Variants in POLR1G observed in about 807,000 individuals in gnomAD.
The protein encoded by POLR1G is DNA-directed RNA polymerase I subunit RPA34.
A neutral mutation model predicts 6.3 loss-of-function variants in POLR1G; 9 were observed. That is an observed-to-expected ratio of 1.44 (90% CI 0.87 to 2.51). The LOEUF is 2.51. Ranked by LOEUF, POLR1G falls within the 30% of genes most tolerant of loss-of-function variation. The probability of loss-of-function intolerance (pLI) is 0.00; values close to 1 mark genes in which losing one functional copy is unlikely to be tolerated. For missense variants in POLR1G, 617 were observed against 632.5 expected, an observed-to-expected ratio of 0.98 and a Z score of 0.26; for synonymous variants, 248 against 256.5, an observed-to-expected ratio of 0.97 and a Z score of 0.32.
rs1172005564 is a variant in POLR1G at position 45,410,193 on chromosome 19, AT to A, written c.*694del. 7.2e-6 allele frequency: 1 copy of A among 139,074 alleles called. No homozygotes were observed. Among genetic ancestry groups the A allele is most frequent in the African/African-American group, 2.8e-5 (1 of 36,300 alleles). The allele number at this position is 139,074 out of a possible 1,614,324, so 8.6% of individuals were successfully genotyped here. On this transcript the variant is annotated 3_prime_UTR_variant, in exon 3 of 3. Transcript: ENST00000309424. ...AGCCACTGCGCCTGGCTAAGTTATT[AT>A]TATTTTTTTGAGACAGTCTCCTGGT... is the stretch of plus-strand genomic sequence containing the variant.
In POLR1G at chr19:45,408,517, G is replaced by C; in HGVS notation, c.549G>C (p.Glu183Asp). 6.2e-7 allele frequency: 1 copy of C among 1,614,080 alleles called. No individual in the cohort carries two copies. The highest frequency in any genetic ancestry group is 8.5e-7 in the Non-Finnish European group (1 of 1,180,012). Residue 183 changes from glutamate (E) to aspartate (D), a missense_variant, in exon 3 of 3, where the codon GAG (glutamate) becomes GAC (aspartate). Glu to Asp is a conservative substitution (Grantham distance 45). Coordinates refer to ENST00000309424, the MANE Select transcript of POLR1G (RefSeq NM_012099.3). ...AGAAAAAGGAGATGCAGGTGACAGAGGCCCCAGTCACTCAGGAGGCAGTGA... is the reference window on the plus strand; with the variant it reads ...AGAAAAAGGAGATGCAGGTGACAGACGCCCCAGTCACTCAGGAGGCAGTGA... ...GKKKKEMQVT[E>D]APVTQEAVNG...
In POLR1G at chr19:45,409,738, G is replaced by C. The variant is rs747606501; in HGVS notation, c.*237G>C. 2.5e-6 allele frequency: 2 copies of C among 801,916 alleles called. No individual in the cohort carries two copies. The highest frequency in any genetic ancestry group is 2.7e-5 in the South Asian group (2 of 73,856). 49.7% of individuals were successfully genotyped at this position (801,916 alleles called of 1,614,324 possible). On this transcript the variant is annotated 3_prime_UTR_variant, in exon 3 of 3. Coordinates refer to ENST00000309424, the MANE Select transcript of POLR1G (RefSeq NM_012099.3). ...ACAGCCTCCGGGCCTGGATGGGAGGGAGAAAAAAATGAGGAACCAGTCATT... is the reference window on the plus strand; with the variant it reads ...ACAGCCTCCGGGCCTGGATGGGAGGCAGAAAAAAATGAGGAACCAGTCATT...
rs767329376 is a variant in POLR1G at position 45,408,316 on chromosome 19, G to C, written c.348G>C (p.Arg116Ser). Residue 116 changes from arginine to serine, a missense_variant, in exon 3 of 3, where the codon AGG becomes AGC. By Grantham distance (110) the Arg-to-Ser change is moderately radical. Transcript: ENST00000309424. The stretch of plus-strand genomic sequence containing the variant: ...CCTCAGCCCCCCAGGGCACCCTAAG[G>C]ATCCTTGAGGGTCCCCAGCAATCCC... Reference protein sequence around the residue: ...TCASAPQGTLRILEGPQQSLS... With the variant: ...TCASAPQGTLSILEGPQQSLS... 5.6e-6 allele frequency: 9 copies of C among 1,610,912 alleles called. No individual in the cohort carries two copies. The highest frequency in any genetic ancestry group is 6.8e-6 in the Non-Finnish European group (8 of 1,177,906).
chr19:45,408,471 A>C lies in POLR1G; in HGVS notation c.503A>C (p.Asn168Thr). Residue 168 changes from asparagine (N) to threonine (T), a missense_variant, in exon 3 of 3, where the codon AAC becomes ACC. Physicochemically the swap from Asn to Thr is moderately conservative, Grantham distance 65. Coordinates refer to ENST00000309424, the MANE Select transcript of POLR1G (RefSeq NM_012099.3). ...VTGPRSALAP[N>T]LLTSGKKKKE... ...GGGCCTAGGTCAGCCTTGGCCCCCA[A>C]CCTGCTCACCTCAGGGAAGAAGAAA... The C allele has an allele frequency of 1.9e-6, 3 of 1,613,868 alleles. No individual in the cohort carries two copies. Among genetic ancestry groups the C allele is most frequent in the Non-Finnish European group, 2.5e-6 (3 of 1,179,940 alleles).
At position 45,406,881 on chromosome 19, in the gene POLR1G, T is replaced by G. The variant is rs1973383264; in HGVS notation, c.22+163T>G. 1.0e-6 allele frequency: 1 copy of G among 963,506 alleles called. No individual in the cohort carries two copies. Among genetic ancestry groups the G allele is most frequent in the Non-Finnish European group, 1.5e-6 (1 of 672,212 alleles). The allele number at this position is 963,506 out of a possible 1,614,324, so 59.7% of individuals were successfully genotyped here. ...GAATTCGAACGGAGAGAGGGTTATC[T>G]TGTGGGGGGCTACCCGTGGAGAGCA... On this transcript the variant is annotated intron_variant, in intron 1 of 2. Coordinates refer to ENST00000309424, the MANE Select transcript of POLR1G (RefSeq NM_012099.3). This position sits in a 1 kb window ranked among gnomAD's most constrained non-coding sequence, Gnocchi z 4.2.
Position 45,409,877 on chromosome 19 carries a change from G to GTTATTATTA in POLR1G, c.*388_*396dup, listed in dbSNP as rs1243917856. The GTTATTATTA allele has an allele frequency of 1.5e-4, 39 of 256,490 alleles. No homozygotes were observed. Among genetic ancestry groups the GTTATTATTA allele is most frequent in the East Asian group, 8.0e-4 (10 of 12,576 alleles). The allele number at this position is 256,490 out of a possible 1,614,324, so 15.9% of individuals were successfully genotyped here. A position where few individuals can be genotyped will look rare whatever the true frequency, so the allele number is the denominator to read the frequency against. ...AACAATCCAGTTACAATCTTTTTAAGTTATTATTATTATTATTATTTTTTT... is the reference window on the plus strand; with the variant it reads ...AACAATCCAGTTACAATCTTTTTAAGTTATTATTATTATTATTATTATTATTATTTTTTT... On this transcript the variant is annotated 3_prime_UTR_variant, in exon 3 of 3. Coordinates refer to ENST00000309424, the MANE Select transcript of POLR1G (RefSeq NM_012099.3).
chr19:45,408,082 T>C (rs770141832), intron 2 of POLR1G, 51 bp from the exon 3 acceptor site: 1 of 1,511,446 alleles, frequency 6.6e-7, no homozygotes, highest in East Asian at 2.3e-5. Flanking sequence ...TCAAAAAACC[T>C]TCCCTCTCCT....
In POLR1G at chr19:45,409,290, T is replaced by TA. The variant is rs1211839877; in HGVS notation, c.1323dup (p.Glu442ArgfsTer3). 6.2e-7 allele frequency: 1 copy of TA among 1,613,262 alleles called. No homozygotes were observed. Among genetic ancestry groups the TA allele is most frequent in the African/African-American group, 1.3e-5 (1 of 74,596 alleles). On this transcript the variant is annotated frameshift_variant, in exon 3 of 3. Transcript: ENST00000309424. LOFTEE classifies it low-confidence loss of function (END_TRUNC). ...ACAGTGACTGAGCCAATTCAGCCAC[T>TA]AGAGCCTGAACTGCCAGGGGAGGGA...
intron 2 of POLR1G, 54 bp from the exon 3 acceptor site, chr19:45,408,079 A>AC (rs1221160656): frequency 1.3e-6 from 2 of 1,511,920 alleles, no homozygotes; most frequent in Non-Finnish European, 1.8e-6. Context: ...AAATCAAAAA[A>AC]CCTTCCCTCT....
In POLR1G at chr19:45,408,465, C is replaced by T; in HGVS notation, c.497C>T (p.Ala166Val). 1 of 1,613,802 alleles carries T rather than the reference C, an allele frequency of 6.2e-7. No homozygotes were observed. ...PPVTGPRSALAPNLLTSGKKK... is the reference protein window; with the variant it reads ...PPVTGPRSALVPNLLTSGKKK... ...GTCACAGGGCCTAGGTCAGCCTTGG[C>T]CCCCAACCTGCTCACCTCAGGGAAG... Residue 166 changes from alanine to valine, a missense_variant, in exon 3 of 3, where the codon GCC becomes GTC. By Grantham distance (64) the Ala-to-Val change is moderately conservative (BLOSUM62 0). Transcript: ENST00000309424.
chr19:45,409,076 G>T lies in POLR1G; in HGVS notation c.1108G>T (p.Glu370Ter). 6.2e-7 allele frequency: 1 copy of T among 1,613,770 alleles called. No homozygotes were observed. The highest frequency in any genetic ancestry group is 1.1e-5 in the South Asian group (1 of 91,048). Residue 370 changes from glutamate to a stop codon, truncating the protein, a stop_gained, in exon 3 of 3, where the codon GAA becomes TAA. Coordinates refer to ENST00000309424, the MANE Select transcript of POLR1G (RefSeq NM_012099.3). LOFTEE classifies it low-confidence loss of function (END_TRUNC). ...GGGGACCATGGCGCCTCAACAGCCA[G>T]AAGGAGCGAAGCCTCAGGCCCAGGC... ...PGGTMAPQQPEGAKPQAQAAL... is the reference protein window; with the variant it reads ...PGGTMAPQQP
rs754399021 is a variant in POLR1G at position 45,408,250 on chromosome 19, G to C, written c.282G>C (p.Leu94=). The C allele has an allele frequency of 2.5e-6, 4 of 1,614,158 alleles. No individual in the cohort carries two copies. The South Asian group carries it at 3.3e-5, about 13-fold the overall frequency. The change falls in exon 3 of 3, where the codon CTG becomes CTC. Residue 94 remains leucine (L), a synonymous_variant. Transcript: ENST00000309424. ...GTCCCCAAGCTGGAGAAGCGACCCT[G>C]CTGGCCCCCTCAACGGAGGCAGGAG... ...SSCPQAGEAT[L]LAPSTEAGGG... is the part of the protein sequence containing the mutation.
In POLR1G at chr19:45,408,987, T is replaced by A. The variant is rs749947084; in HGVS notation, c.1019T>A (p.Met340Lys). ...RKKEKGQMAM[M>K]EPGTEAMEPV... ...AAAGAAAAGGGACAGATGGCAATGA[T>A]GGAGCCAGGGACGGAGGCGATGGAG... Residue 340 changes from methionine to lysine, a missense_variant, in exon 3 of 3, where the codon ATG (methionine) becomes AAG (lysine). Transcript: ENST00000309424. 3.7e-5 allele frequency: 59 copies of A among 1,613,722 alleles called. No homozygotes were observed. The African/African-American group carries it at 7.6e-4, about 21-fold the overall frequency.
In POLR1G at chr19:45,410,565, T is replaced by TGTGTGTGTGTGTGTGTGTG. The variant is rs1973661594; in HGVS notation, c.*1064_*1065insGTGTGTGTGTGTGTGTGTG. 5.7e-5 allele frequency: 8 copies of TGTGTGTGTGTGTGTGTGTG among 140,718 alleles called. No homozygotes were observed. Among genetic ancestry groups the TGTGTGTGTGTGTGTGTGTG allele is most frequent in the African/African-American group, 2.2e-4 (8 of 36,574 alleles). 8.7% of individuals were successfully genotyped at this position (140,718 alleles called of 1,614,324 possible). The stretch of plus-strand genomic sequence containing the variant: ...ATAGTATGTCTTATTCATTCTTTCT[T>TGTGTGTGTGTGTGTGTGTG]TGTGTGTGTGTGTGTGTGTGTGTGT... On this transcript the variant is annotated 3_prime_UTR_variant, in exon 3 of 3. Transcript: ENST00000309424.
intron 2 of POLR1G, chr19:45,407,839 TGAG>T (rs1477077839): frequency 3.4e-6 from 1 of 294,708 alleles, no homozygotes; most frequent in Non-Finnish European, 6.3e-6. Context: ...GCAGATCACT[TGAG>T]GTCAGGAGTT....
Position 45,408,997 on chromosome 19 carries a change from G to T in POLR1G, c.1029G>T (p.Gly343=). Residue 343 remains glycine (G), a synonymous_variant, in exon 3 of 3, where the codon GGG becomes GGT. Transcript: ENST00000309424. ...EKGQMAMMEP[G]TEAMEPVEPE... ...GACAGATGGCAATGATGGAGCCAGGGACGGAGGCGATGGAGCCAGTGGAGC... is the reference window on the plus strand; with the variant it reads ...GACAGATGGCAATGATGGAGCCAGGTACGGAGGCGATGGAGCCAGTGGAGC... The T allele has an allele frequency of 6.2e-7, 1 of 1,614,118 alleles. No individual in the cohort carries two copies. Among genetic ancestry groups the T allele is most frequent in the South Asian group, 1.1e-5 (1 of 91,086 alleles).
Position 45,409,128 on chromosome 19 carries a change from C to G in POLR1G, c.1160C>G (p.Thr387Arg). Residue 387 changes from threonine (T) to arginine (R), a missense_variant, in exon 3 of 3, where the codon ACG becomes AGG. By Grantham distance (71) the Thr-to-Arg change is moderately conservative. Coordinates refer to ENST00000309424, the MANE Select transcript of POLR1G (RefSeq NM_012099.3). ...GCTCTGGCAGCTCCCAAAAAGAAGA[C>G]GAAGAAAGAAAAACAGCAAGATGCC... ...QAALAAPKKK[T>R]KKEKQQDATV... The G allele has an allele frequency of 6.2e-7, 1 of 1,612,914 alleles. No individual in the cohort carries two copies. Among genetic ancestry groups the G allele is most frequent in the South Asian group, 1.1e-5 (1 of 90,980 alleles).
chr19:45,407,447 T>G, intron 2 of POLR1G: 1 of 537,948 alleles, frequency 1.9e-6, no homozygotes, highest in South Asian at 2.5e-5. Flanking sequence ...TATAAGAAAC[T>G]ATAAGGAACT....
At chr19:45,408,066 A>C (rs1973453605) in intron 2 of POLR1G, 67 bp from the exon 3 acceptor site, 1 of 1,505,450 alleles carries the variant, frequency 6.6e-7, no homozygotes. Flanking sequence ...AAAAACAAAA[A>C]AAAAATCAAA....
Sources: allele counts gnomAD v4.1 joint callset, GRCh38; gene constraint gnomAD v4.1.1; non-coding constraint Gnocchi (gnomAD v3.1); transcripts MANE v1.5; gene names NCBI Gene and HGNC (gene_info 2026-07-23, HGNC 2026-07-21).